TCF4: variants seen among roughly 807,000 people sequenced by gnomAD.
TCF4 encodes SL3-3 enhancer factor 2.
TCF4 carries 3 observed loss-of-function variants against 82.1 expected under a neutral mutation model. The ratio of observed to expected loss-of-function variants is 0.04; its 90% CI spans 0.02 to 0.09. The LOEUF is 0.09. TCF4 is among the 10% of genes least tolerant of loss of function. The pLI is 1.00. For synonymous variants in TCF4, 276 were observed against 309.6 expected (o/e 0.89, Z 1.14); for missense variants, 518 against 852.7 (o/e 0.61, Z 4.89).
intron 5 of TCF4, among the ~76,000 whole-genome samples, chr18:55,418,516 T>C (rs145430618): frequency 4.5e-4 from 68 of 152,330 alleles, no homozygotes; most frequent in East Asian, 3.1e-3. Flanking sequence ...AGAACTGTTA[T>C]GACTCCTTAT....
At chr18:55,251,459 A>C (rs1368441320) in intron 15 of TCF4, among the ~76,000 whole-genome samples, 1 of 152,238 alleles carries the variant, frequency 6.6e-6, no homozygotes, top group East Asian at 1.9e-4. Flanking sequence ...ATAACAGCCG[A>C]GGCAGAACCA....
chr18:55,577,191 T>G (rs2097537261), intron 3 of TCF4, among the ~76,000 whole-genome samples: 1 of 32,354 alleles, frequency 3.1e-5, no homozygotes, highest in Non-Finnish European at 5.1e-5. Context: ...TAAATGTATA[T>G]ATACATTTAT....
At chr18:55,628,813 T>G (rs991521922) in intron 2 of TCF4, among the ~76,000 whole-genome samples, 4 of 152,246 alleles carry the variant, frequency 2.6e-5, no homozygotes, top group Non-Finnish European at 5.9e-5. Flanking sequence ...TGGTTTAAGA[T>G]AGCAATTTGT....
chr18:55,376,790 A>G lies in TCF4; in HGVS notation c.370-25787T>C, dbSNP rs567802974. Among the ~76,000 whole-genome samples the G allele has an allele frequency of 3.3e-5, 5 of 152,316 alleles. 1 individual carries two copies. In the South Asian group the frequency reaches 6.2e-4, roughly 19 times the overall value. On this transcript the variant is annotated intron_variant, in intron 6 of 19. Coordinates refer to ENST00000354452, the MANE Select transcript of TCF4 (RefSeq NM_001083962.2). ...GAAAACTCTTCCCAAGAACCTCAAT[A>G]TGTTCCTGCTGTTTAACCTGAAGCA...
intron 6 of TCF4, among the ~76,000 whole-genome samples, chr18:55,381,749 T>C (rs1461893985): frequency 1.3e-5 from 2 of 152,196 alleles, no homozygotes; most frequent in Admixed American, 6.5e-5. Context: ...TTTCATTACA[T>C]TGCATGGAAT....
chr18:55,564,154 G>A (rs1318880245), intron 3 of TCF4, among the ~76,000 whole-genome samples: 1 of 152,208 alleles, frequency 6.6e-6, no homozygotes. Flanking sequence ...GTGTTCTACT[G>A]CATGTGCAAA....
chr18:55,573,073 G>A (rs1423169517), intron 3 of TCF4, among the ~76,000 whole-genome samples: 1 of 151,426 alleles, frequency 6.6e-6, no homozygotes, highest in Non-Finnish European at 1.5e-5. Flanking sequence ...AAGCCAAAAT[G>A]GTACTGAAGA....
chr18:55,531,383 G>C (rs1055462804), intron 3 of TCF4, among the ~76,000 whole-genome samples: 2 of 152,090 alleles, frequency 1.3e-5, no homozygotes, highest in African/African-American at 4.8e-5. Context: ...CATGATGATT[G>C]GTATAAAGAA....
chr18:55,527,612 G>T (rs2097001848), intron 3 of TCF4, among the ~76,000 whole-genome samples: 1 of 151,870 alleles, frequency 6.6e-6, no homozygotes, highest in African/African-American at 2.4e-5. Flanking sequence ...AATATTCAAG[G>T]TACCAGCAAT....
chr18:55,343,835 C>A (rs990497419), intron 8 of TCF4, among the ~76,000 whole-genome samples: 5 of 152,114 alleles, frequency 3.3e-5, no homozygotes, highest in Non-Finnish European at 2.9e-5. Context: ...AAAAGAAGCA[C>A]ACTCATACAC....
intron 3 of TCF4, among the ~76,000 whole-genome samples, chr18:55,512,365 T>C (rs917858150): frequency 6.6e-6 from 1 of 152,170 alleles, no homozygotes; most frequent in Non-Finnish European, 1.5e-5. Flanking sequence ...ATATTCATGG[T>C]AAAATATGAA....
intron 8 of TCF4, among the ~76,000 whole-genome samples, chr18:55,334,027 AT>A (rs986562884): frequency 8.1e-4 from 123 of 151,288 alleles, no homozygotes; most frequent in African/African-American, 1.9e-3. Flanking sequence ...TCTCAAGGGT[AT>A]TTTTTTTTCT....
At chr18:55,446,544 G>A (rs1226229554) in intron 5 of TCF4, among the ~76,000 whole-genome samples, 4 of 152,042 alleles carry the variant, frequency 2.6e-5, no homozygotes, top group Non-Finnish European at 5.9e-5. Flanking sequence ...CACAACACTG[G>A]GCAAATAACC....
intron 3 of TCF4, among the ~76,000 whole-genome samples, chr18:55,556,410 A>G (rs977807488): frequency 3.9e-5 from 6 of 152,264 alleles, no homozygotes; most frequent in Non-Finnish European, 8.8e-5. Context: ...ATGTAAATAA[A>G]TAAGATATTA....
intron 6 of TCF4, among the ~76,000 whole-genome samples, chr18:55,374,506 T>G (rs1359040487): frequency 6.6e-6 from 1 of 152,044 alleles, no homozygotes; most frequent in Non-Finnish European, 1.5e-5. Context: ...TGTAGCAAAT[T>G]TTAAAGTCTG....
At chr18:55,258,030 C>G (rs748650885) in intron 13 of TCF4, among the ~76,000 whole-genome samples, 8 of 152,024 alleles carry the variant, frequency 5.3e-5, no homozygotes, top group Non-Finnish European at 1.0e-4. Context: ...ATAAAAAACA[C>G]TTTAAATGTA....
chr18:55,334,526 AAAAAG>A (rs1038295398), intron 8 of TCF4, among the ~76,000 whole-genome samples: 5 of 152,290 alleles, frequency 3.3e-5, no homozygotes, highest in East Asian at 1.9e-4. Context: ...CCTTTCAAAA[AAAAAG>A]AAAACAGCAT....
Position 55,397,718 on chromosome 18 carries a change from T to G in TCF4, c.369+5736A>C, listed in dbSNP as rs577064289. ...ATGGACTGAGATTAAGAAACTACTGTTAATCTCTTTAGGGATAATAACAGT... is the reference window on the plus strand; with the variant it reads ...ATGGACTGAGATTAAGAAACTACTGGTAATCTCTTTAGGGATAATAACAGT... On this transcript the variant is annotated intron_variant, in intron 6 of 19. Transcript: ENST00000354452. Among the ~76,000 whole-genome samples the G allele has an allele frequency of 4.6e-5, 7 of 152,270 alleles. No individual in the cohort carries two copies. In the South Asian group the frequency reaches 1.4e-3, roughly 32 times the overall value.
chr18:55,267,364 G>C (rs1203927392), intron 11 of TCF4: 1 of 152,020 alleles, frequency 6.6e-6, no homozygotes, highest in Non-Finnish European at 1.5e-5. Context: ...CTGTTTGTTA[G>C]GGTAGTATCA....
Sources: allele counts gnomAD v4.1 joint callset (sites outside exome capture counted in the v4.1 genomes callset), GRCh38; gene constraint gnomAD v4.1.1; transcripts MANE v1.5; gene names NCBI Gene and HGNC (gene_info 2026-07-23, HGNC 2026-07-21).